OR2L13: variants seen among roughly 807,000 people sequenced by gnomAD.
The protein encoded by OR2L13 is olfactory receptor family 2 subfamily L member 13, also known as olfactory receptor 2L13.
OR2L13 carries 14 observed loss-of-function variants against 15.3 expected under a neutral mutation model. The observed-to-expected ratio is 0.91, with a 90% CI of 0.60 to 1.43. OR2L13 has a LOEUF of 1.43. OR2L13 is among the 40% of genes most tolerant of loss of function. The pLI is 0.00. For synonymous variants in OR2L13, 152 were observed against 142.9 expected, an observed-to-expected ratio of 1.06 and a Z score of -0.45; for missense variants, 367 against 387.9, an observed-to-expected ratio of 0.95 and a Z score of 0.45.
the OR2L13 span, among the ~76,000 whole-genome samples, chr1:247,995,157 C>G: frequency 6.6e-6 from 1 of 152,298 alleles, no homozygotes; most frequent in Middle Eastern, 3.4e-3. Flanking sequence ...AAAGTTCTTT[C>G]ACTGCATGAA....
chr1:247,978,713 C>T, the OR2L13 span, among the ~76,000 whole-genome samples: 1 of 152,104 alleles, frequency 6.6e-6, no homozygotes, highest in Non-Finnish European at 1.5e-5. Context: ...TGTTCAATTC[C>T]CACTTCCAGA....
At chr1:248,025,291 C>T in the OR2L13 span, among the ~76,000 whole-genome samples, 7 of 146,490 alleles carry the variant, frequency 4.8e-5, no homozygotes, top group African/African-American at 1.3e-4. Flanking sequence ...GGGTGAAGGA[C>T]ATGAACAGAC....
chr1:248,010,916 C>T, the OR2L13 span, among the ~76,000 whole-genome samples: 1 of 151,920 alleles, frequency 6.6e-6, no homozygotes. Context: ...ATTTGCCAGC[C>T]TATGTCTTTG....
At chr1:247,968,295 A>T in the OR2L13 span, among the ~76,000 whole-genome samples, 3 of 152,148 alleles carry the variant, frequency 2.0e-5, no homozygotes, top group Non-Finnish European at 4.4e-5. Context: ...AGTTCAATGG[A>T]ACCATCCTGC....
At chr1:248,017,238 T>C in the OR2L13 span, among the ~76,000 whole-genome samples, 1 of 152,154 alleles carries the variant, frequency 6.6e-6, no homozygotes, top group Non-Finnish European at 1.5e-5. Context: ...GGATAAAAAA[T>C]TAAGGGGCAC....
the OR2L13 span, chr1:247,965,756 G>C: frequency 6.3e-7 from 1 of 1,575,062 alleles, no homozygotes. Context: ...GTAGCTATCT[G>C]TCACCCTTTA....
the OR2L13 span, among the ~76,000 whole-genome samples, chr1:248,060,118 T>G: frequency 6.6e-6 from 1 of 152,196 alleles, no homozygotes; most frequent in African/African-American, 2.4e-5. Flanking sequence ...AATATAAATC[T>G]AAATGTATGC....
At chr1:247,978,840 C>G in the OR2L13 span, among the ~76,000 whole-genome samples, 69 of 151,860 alleles carry the variant, frequency 4.5e-4, no homozygotes, top group Middle Eastern at 3.4e-3. Flanking sequence ...CCACTCGGAC[C>G]TGTCTACTCT....
At chr1:248,057,910 G>T in the OR2L13 span, among the ~76,000 whole-genome samples, 3 of 152,156 alleles carry the variant, frequency 2.0e-5, no homozygotes, top group African/African-American at 7.2e-5. Flanking sequence ...TATGTCATAT[G>T]CAAACAGAAA....
chr1:248,038,552 A>G, the OR2L13 span: 48 of 1,614,132 alleles, frequency 3.0e-5, no homozygotes, highest in Non-Finnish European at 3.9e-5. Flanking sequence ...CCTTCACTGG[A>G]TGTGGGATTC....
the OR2L13 span, chr1:248,038,410 TC>T: frequency 9.3e-6 from 15 of 1,613,730 alleles, no homozygotes; most frequent in Non-Finnish European, 1.3e-5. Flanking sequence ...ATTCTTCTCA[TC>T]TTTTTGGACA....
At chr1:248,100,434 C>T in exon 3 of OR2L13, 2 of 467,430 alleles carry the variant, frequency 4.3e-6, no homozygotes, top group Admixed American at 3.8e-5. Flanking sequence ...TACATTTAAG[C>T]AGTCAAATAA....
At chr1:247,976,861 A>C in the OR2L13 span, among the ~76,000 whole-genome samples, 1 of 152,188 alleles carries the variant, frequency 6.6e-6, no homozygotes, top group Non-Finnish European at 1.5e-5. Flanking sequence ...GTCCTTCATT[A>C]CATTAAGGAT....
the OR2L13 span, among the ~76,000 whole-genome samples, chr1:247,959,387 A>G: frequency 6.6e-6 from 1 of 151,920 alleles, no homozygotes; most frequent in African/African-American, 2.4e-5. Flanking sequence ...TTTTTCCTTC[A>G]TTTATACTTT....
the OR2L13 span, chr1:248,041,730 ATT>A: frequency 5.3e-5 from 8 of 152,218 alleles, no homozygotes; most frequent in Non-Finnish European, 1.0e-4. Context: ...AAAAGAAGAC[ATT>A]TATGCAGCCA....
At chr1:248,022,730 A>T in the OR2L13 span, 1 of 1,614,048 alleles carries the variant, frequency 6.2e-7, no homozygotes, top group South Asian at 1.1e-5. Flanking sequence ...ATCTATGTCC[A>T]AGATCCCTGC....
the OR2L13 span, among the ~76,000 whole-genome samples, chr1:247,944,702 C>A: frequency 6.6e-6 from 1 of 152,136 alleles, no homozygotes; most frequent in Non-Finnish European, 1.5e-5. Context: ...TTTATCCAGT[C>A]TATCATTAAT....
the OR2L13 span, chr1:247,949,941 T>C: frequency 1.8e-6 from 1 of 560,848 alleles, no homozygotes; most frequent in Non-Finnish European, 2.8e-6. Flanking sequence ...ACAAAATTGT[T>C]TTACAAATAT....
the OR2L13 span, chr1:247,990,137 G>T: frequency 2.2e-6 from 1 of 462,692 alleles, no homozygotes; most frequent in Non-Finnish European, 4.0e-6. Context: ...AGTGTATATA[G>T]GGTTCAGTGT....
Sources: allele counts gnomAD v4.1 joint callset (sites outside exome capture counted in the v4.1 genomes callset), GRCh38; gene constraint gnomAD v4.1.1; transcripts MANE v1.5; gene names NCBI Gene and HGNC (gene_info 2026-07-23, HGNC 2026-07-21).